The following KAT14 variants were observed in gnomAD, a reference collection of about 807,000 sequenced individuals.
The protein encoded by KAT14 is lysine acetyltransferase 14.
Under a neutral mutation model 78.4 loss-of-function variants are expected in KAT14, and 66 were observed. That is an observed-to-expected ratio of 0.84 (90% CI 0.69 to 1.03). KAT14 has a LOEUF of 1.03. KAT14 is among the 50% of genes least tolerant of loss of function. The pLI is 0.00. For synonymous variants in KAT14, 344 were observed against 359.4 expected (o/e 0.96, Z 0.48); for missense variants, 870 against 972.5 (o/e 0.89, Z 1.40).
chr20:18,176,722 C>A (rs2039065214), intron 7 of KAT14, among the ~76,000 whole-genome samples: 1 of 151,420 alleles, frequency 6.6e-6, no homozygotes, highest in African/African-American at 2.4e-5. Flanking sequence ...ACTGGGGTGA[C>A]AGGGGCCAGA....
chr20:18,168,942 T>C (rs1395273867), intron 7 of KAT14, among the ~76,000 whole-genome samples: 3 of 152,210 alleles, frequency 2.0e-5, no homozygotes, highest in African/African-American at 7.2e-5. Context: ...GTGTGTTTAT[T>C]ACACCTTTTG....
chr20:18,160,643 C>T (rs777943690), intron 5 of KAT14, among the ~76,000 whole-genome samples: 5 of 151,968 alleles, frequency 3.3e-5, no homozygotes, highest in East Asian at 1.9e-4. Context: ...GATAGGGTCT[C>T]GCCATGTTTC....
Position 18,142,816 on chromosome 20 carries a change from C to T in KAT14, c.156C>T (p.His52=), listed in dbSNP as rs777037743. The T allele has an allele frequency of 1.1e-5, 17 of 1,614,154 alleles. No individual in the cohort carries two copies. Among genetic ancestry groups the T allele is most frequent in the South Asian group, 9.9e-5 (9 of 91,084 alleles). ...SEDQASVDLS[H]DQSGDSLNSD... ...ATCAGGCATCAGTGGACTTATCGCA[C>T]GACCAGAGTGGGGATTCCCTCAACA... Residue 52 remains histidine, a synonymous_variant, in exon 2 of 11, where the codon CAC becomes CAT. Coordinates refer to ENST00000688188, the MANE Select transcript of KAT14 (RefSeq NM_001392073.1).
chr20:18,187,710 G>A lies in KAT14; in HGVS notation c.*251G>A, dbSNP rs768758661. On this transcript the variant is annotated 3_prime_UTR_variant, in exon 11 of 11. Coordinates refer to ENST00000688188, the MANE Select transcript of KAT14 (RefSeq NM_001392073.1). ...CCAGACTCCACAGTTATTTATGAATGATGTCGTGATTCTCCCTCCACCTGA... is the reference window on the plus strand; with the variant it reads ...CCAGACTCCACAGTTATTTATGAATAATGTCGTGATTCTCCCTCCACCTGA... The A allele has an allele frequency of 1.1e-4, 51 of 470,524 alleles. No homozygotes were observed. Among genetic ancestry groups the A allele is most frequent in the Non-Finnish European group, 1.7e-4 (45 of 270,324 alleles). The allele number at this position is 470,524 out of a possible 1,614,324, so 29.1% of individuals were successfully genotyped here.
At chr20:18,170,574 G>T (rs182623234) in intron 7 of KAT14, among the ~76,000 whole-genome samples, 1 of 152,096 alleles carries the variant, frequency 6.6e-6, no homozygotes, top group Non-Finnish European at 1.5e-5. Context: ...TTGCTCTGTC[G>T]CCCAGGCTGG....
chr20:18,180,604 A>G (rs1202629978), intron 7 of KAT14, among the ~76,000 whole-genome samples: 1 of 152,184 alleles, frequency 6.6e-6, no homozygotes, highest in Non-Finnish European at 1.5e-5. Context: ...ATAAAGACAT[A>G]CCCAAGACTG....
intron 7 of KAT14, among the ~76,000 whole-genome samples, chr20:18,167,365 A>G (rs1367411263): frequency 6.6e-6 from 1 of 152,184 alleles, no homozygotes; most frequent in African/African-American, 2.4e-5. Context: ...GTCAGCTTCT[A>G]TAGTTTTAGT....
intron 2 of KAT14, chr20:18,143,287 ATTTAACTTACG>A (rs774264624): frequency 8.9e-5 from 55 of 616,200 alleles, no homozygotes; most frequent in Non-Finnish European, 1.1e-4. Flanking sequence ...CTTTGTTAAT[ATTTAACTTACG>A]TGGAGAACTC....
At chr20:18,158,926 C>T (rs943231287) in intron 4 of KAT14, among the ~76,000 whole-genome samples, 158 bp from the exon 5 acceptor site, 1 of 152,186 alleles carries the variant, frequency 6.6e-6, no homozygotes, top group Non-Finnish European at 1.5e-5. Context: ...TTGAAGCAGG[C>T]GAACTCCAGA....
In KAT14 at chr20:18,142,440, CT is replaced by C. The variant is rs78016265; in HGVS notation, c.-212del. The C allele has an allele frequency of 0.55, 804,891 of 1,450,290 alleles. 223,798 individuals carry two copies. The highest frequency in any genetic ancestry group is 0.71 in the East Asian group (28,554 of 40,012). The allele number at this position is 1,450,290 out of a possible 1,614,324, so 89.8% of individuals were successfully genotyped here. ...GAGAGTAGCTTAGTAGTATCTTCAT[CT>C]TTTTTTTTGGTCACTGTCCTTTTAA... On this transcript the variant is annotated 5_prime_UTR_variant, in exon 2 of 11. The change creates a premature stop within an existing upstream ORF in the 5' untranslated region. Coordinates refer to ENST00000688188, the MANE Select transcript of KAT14 (RefSeq NM_001392073.1).
At chr20:18,166,895 T>A (rs541982841) in intron 7 of KAT14, among the ~76,000 whole-genome samples, 1 of 152,380 alleles carries the variant, frequency 6.6e-6, no homozygotes, top group East Asian at 1.9e-4. Flanking sequence ...GAGACCTCTG[T>A]TGAGGACCAC....
chr20:18,179,807 G>C (rs2039183344), intron 7 of KAT14, among the ~76,000 whole-genome samples: 1 of 152,126 alleles, frequency 6.6e-6, no homozygotes, highest in East Asian at 1.9e-4. Flanking sequence ...CAACTTTTCT[G>C]AACTTTTATG....
At chr20:18,154,509 T>G (rs1171738209) in intron 4 of KAT14, among the ~76,000 whole-genome samples, 1 of 152,172 alleles carries the variant, frequency 6.6e-6, no homozygotes, top group African/African-American at 2.4e-5. Context: ...TGCCTTCCCT[T>G]GGAAACCACA....
rs1221473795 is a variant in KAT14, at chr20:18,161,976, G to A, written c.836G>A (p.Gly279Asp). 1 of 1,614,112 alleles carries A rather than the reference G, an allele frequency of 6.2e-7. No individual in the cohort carries two copies. The highest frequency in any genetic ancestry group is 2.2e-5 in the East Asian group (1 of 44,896). Reference protein sequence around the residue: ...DIRRAQKEAAGFLDRSTSSTP... With the variant: ...DIRRAQKEAADFLDRSTSSTP... ...AGAAGAGCCCAGAAGGAGGCCGCTG[G>A]CTTTCTTGACAGGAGCACATCTTCT... Residue 279 changes from glycine to aspartate, a missense_variant, in exon 6 of 11, where the codon GGC becomes GAC. By Grantham distance (94) the Gly-to-Asp change is moderately conservative. Coordinates refer to ENST00000688188, the MANE Select transcript of KAT14 (RefSeq NM_001392073.1).
intron 1 of KAT14, among the ~76,000 whole-genome samples, chr20:18,140,264 G>A (rs1413237866): frequency 6.6e-6 from 1 of 152,010 alleles, no homozygotes; most frequent in Admixed American, 6.6e-5. Context: ...AAGCACCTCC[G>A]TTTTTGTCTC....
chr20:18,140,818 CAAA>C (rs1157203058), intron 1 of KAT14, among the ~76,000 whole-genome samples: 1 of 79,076 alleles, frequency 1.3e-5, no homozygotes, highest in Admixed American at 1.6e-4. Flanking sequence ...GACTCCTTCT[CAAA>C]AAAAAAAAAA....
Position 18,145,264 on chromosome 20 carries a change from G to A in KAT14, c.291G>A (p.Lys97=). 6.2e-7 allele frequency: 1 copy of A among 1,614,178 alleles called. No individual in the cohort carries two copies. The change falls in exon 3 of 11, where the codon AAG becomes AAA. Residue 97 remains lysine, a synonymous_variant. Coordinates refer to ENST00000688188, the MANE Select transcript of KAT14 (RefSeq NM_001392073.1). The part of the protein sequence containing the change: ...SQLREQLSYL[K]GDNFFRFTCS... Reference sequence around the variant, plus strand: ...TGAGGGAACAGCTCAGTTACCTTAAGGGTGATAATTTTTTTAGGTTTACTT... The same window carrying A: ...TGAGGGAACAGCTCAGTTACCTTAAAGGTGATAATTTTTTTAGGTTTACTT...
chr20:18,148,026 C>G (rs1163779002), intron 3 of KAT14, among the ~76,000 whole-genome samples: 2 of 152,134 alleles, frequency 1.3e-5, no homozygotes, highest in Admixed American at 6.6e-5. Context: ...AACAACTGAC[C>G]AGTATTTCTA....
At chr20:18,157,454 G>C (rs1780731313) in intron 4 of KAT14, among the ~76,000 whole-genome samples, 1 of 152,124 alleles carries the variant, frequency 6.6e-6, no homozygotes, top group South Asian at 2.1e-4. Context: ...GTTTATTGCA[G>C]TAAAAACAGT....
Sources: gnomAD v4.1 joint callset for allele counts (sites outside exome capture counted in the v4.1 genomes callset) on GRCh38, gnomAD v4.1.1 for gene constraint, MANE v1.5 for transcripts, NCBI Gene and HGNC (gene_info 2026-07-23, HGNC 2026-07-21) for gene names.